CNPY1: variants seen among roughly 807,000 people sequenced by gnomAD.
The protein encoded by CNPY1 is canopy FGF signaling regulator 1.
CNPY1 carries 14 observed loss-of-function variants against 14.4 expected under a neutral mutation model. That is an observed-to-expected ratio of 0.97 (90% CI 0.64 to 1.52). CNPY1 has a LOEUF of 1.52. Ranked by LOEUF, CNPY1 falls within the 40% of genes most tolerant of loss-of-function variation. The pLI is 0.00. For missense variants in CNPY1, 129 were observed against 131.5 expected, an observed-to-expected ratio of 0.98 and a Z score of 0.09; for synonymous variants, 43 against 46.5, an observed-to-expected ratio of 0.92 and a Z score of 0.31.
intron 2 of CNPY1, among the ~76,000 whole-genome samples, chr7:155,530,930 C>T (rs1203120465): frequency 6.6e-6 from 1 of 152,246 alleles, no homozygotes; most frequent in African/African-American, 2.4e-5. Context: ...AAACCATCCC[C>T]AGTTGAGAAC....
In CNPY1 at chr7:155,507,471, TAAAAA is replaced by T. The variant is rs35711313; in HGVS notation, c.304-360_304-356del. ...CTGAAAAGTCCAACGGTTTTTAAAC[TAAAAA>T]AAAAAAAAAAAAAAAAAAAAAAAGA... On this transcript the variant is annotated intron_variant, in intron 3 of 4. Coordinates refer to ENST00000636446, the MANE Select transcript of CNPY1 (RefSeq NM_001393663.1). Among the ~76,000 whole-genome samples the T allele has an allele frequency of 9.1e-4, 49 of 54,142 alleles. 2 individuals are homozygous for T. The highest frequency in any genetic ancestry group is 4.5e-3 in the African/African-American group (45 of 10,108). 35.5% of individuals were successfully genotyped at this position (54,142 alleles called of 152,430 possible).
At chr7:155,508,147 A>G (rs1796392412) in intron 3 of CNPY1, among the ~76,000 whole-genome samples, 3 of 152,250 alleles carry the variant, frequency 2.0e-5, no homozygotes, top group African/African-American at 4.8e-5. Context: ...TTTTTAAAAC[A>G]GGACTGCCCA....
At chr7:155,507,161 C>T (rs1486685278) in intron 3 of CNPY1, 45 bp from the exon 4 acceptor site, 14 of 1,232,872 alleles carry the variant, frequency 1.1e-5, no homozygotes, top group Admixed American at 6.8e-5. Flanking sequence ...CGCACACTGG[C>T]GGGGCACTTT....
chr7:155,516,574 G>T (rs894113927), intron 2 of CNPY1, among the ~76,000 whole-genome samples: 19 of 152,200 alleles, frequency 1.2e-4, no homozygotes, highest in Admixed American at 5.2e-4. Flanking sequence ...CACAGGCTAA[G>T]CTGGATGGAA....
At position 155,537,755 on chromosome 7, in the gene CNPY1, A is replaced by G. The variant is rs180741758; in HGVS notation, c.99+8076T>C. The stretch of plus-strand genomic sequence containing the variant: ...TGAATATTTTATACGAAACAAAATC[A>G]CGTGTCTGTGTATAGTGTTCCATCT... On this transcript the variant is annotated intron_variant, in intron 2 of 4. Coordinates refer to ENST00000636446, the MANE Select transcript of CNPY1 (RefSeq NM_001393663.1). 2.0e-3 allele frequency among the ~76,000 whole-genome samples: 312 copies of G among 152,240 alleles called. 1 individual carries two copies. The highest frequency in any genetic ancestry group is 0.01 in the Middle Eastern group (3 of 294).
chr7:155,529,433 ACAGCTCTGGAGAC>A (rs1796896397), intron 2 of CNPY1, among the ~76,000 whole-genome samples: 1 of 152,112 alleles, frequency 6.6e-6, no homozygotes, highest in Non-Finnish European at 1.5e-5. Flanking sequence ...TCACTCTCTC[ACAGCTCTGGAGAC>A]CAGGAGGCCA....
At chr7:155,539,666 T>G (rs1378948742) in intron 2 of CNPY1, among the ~76,000 whole-genome samples, 1 of 152,100 alleles carries the variant, frequency 6.6e-6, no homozygotes, top group Non-Finnish European at 1.5e-5. Flanking sequence ...CTTGCTGAAA[T>G]GACTGAAAAA....
intron 2 of CNPY1, among the ~76,000 whole-genome samples, chr7:155,529,807 G>C (rs1796904705): frequency 6.7e-6 from 1 of 149,472 alleles, no homozygotes; most frequent in African/African-American, 2.5e-5. Flanking sequence ...TTTTGAGACA[G>C]AGTCTCACTC....
intron 2 of CNPY1, among the ~76,000 whole-genome samples, chr7:155,532,754 A>G (rs1796962945): frequency 6.6e-6 from 1 of 152,116 alleles, no homozygotes; most frequent in Admixed American, 6.5e-5. Context: ...TTAAAATCCC[A>G]TAATACCTCT....
At chr7:155,541,799 C>A (rs1208808179) in intron 2 of CNPY1, among the ~76,000 whole-genome samples, 2 of 152,186 alleles carry the variant, frequency 1.3e-5, no homozygotes, top group African/African-American at 4.8e-5. Context: ...AGTCTTCCAG[C>A]CTCGCACCAG....
rs1554446752 is a variant in CNPY1 at position 155,502,003 on chromosome 7, T to TGTGGGGGGGGTGGG, written c.*1064_*1065insCCCACCCCCCCCAC. 8.0e-6 allele frequency: 1 copy of TGTGGGGGGGGTGGG among 125,326 alleles called. No individual in the cohort carries two copies. The highest frequency in any genetic ancestry group is 1.7e-5 in the Non-Finnish European group (1 of 60,134). The allele number at this position is 125,326 out of a possible 1,614,324, so 7.8% of individuals were successfully genotyped here. ...GCAAAGAGTTTTGGGTCGGGGGGGT[T>TGTGGGGGGGGTGGG]GGGGGGGGGATTTGTAGCATCCTAC... On this transcript the variant is annotated 3_prime_UTR_variant, in exon 5 of 5. Transcript: ENST00000636446.
intron 4 of CNPY1, among the ~76,000 whole-genome samples, chr7:155,504,374 G>T (rs749560561): frequency 6.6e-6 from 1 of 151,812 alleles, no homozygotes; most frequent in African/African-American, 2.4e-5. Flanking sequence ...TTATTTTTGT[G>T]TATTGGTGAA....
rs114415256 is a variant in CNPY1, at chr7:155,508,500, T to C, written c.303+394A>G. On this transcript the variant is annotated intron_variant, in intron 3 of 4. Coordinates refer to ENST00000636446, the MANE Select transcript of CNPY1 (RefSeq NM_001393663.1). Reference sequence around the variant, plus strand: ...AGAAACCACAGCCCCTGATTCCTTATGTGGAAACCTGTGAGAGACCTTCCT... The same window carrying C: ...AGAAACCACAGCCCCTGATTCCTTACGTGGAAACCTGTGAGAGACCTTCCT... 9.4e-3 allele frequency among the ~76,000 whole-genome samples: 1,437 copies of C among 152,360 alleles called. 20 individuals carry two copies. The highest frequency in any genetic ancestry group is 0.033 in the African/African-American group (1,385 of 41,586).
chr7:155,528,874 C>T (rs572520288), intron 2 of CNPY1, among the ~76,000 whole-genome samples: 1 of 152,118 alleles, frequency 6.6e-6, no homozygotes, highest in East Asian at 1.9e-4. Flanking sequence ...TCCTGGCTAA[C>T]ATGATGAAAC....
At chr7:155,510,468 C>T (rs189994380) in intron 2 of CNPY1, 1 of 152,226 alleles carries the variant, frequency 6.6e-6, no homozygotes, top group Admixed American at 6.5e-5. Flanking sequence ...GCTGCGCCTC[C>T]CCTGTGCACA....
At chr7:155,514,170 G>C (rs972325359) in intron 2 of CNPY1, among the ~76,000 whole-genome samples, 1 of 152,212 alleles carries the variant, frequency 6.6e-6, no homozygotes, top group African/African-American at 2.4e-5. Context: ...ATGCGAATGT[G>C]TTCATTCATT....
At chr7:155,519,021 A>T (rs1035992501) in intron 2 of CNPY1, among the ~76,000 whole-genome samples, 1 of 152,178 alleles carries the variant, frequency 6.6e-6, no homozygotes, top group African/African-American at 2.4e-5. Context: ...TGGCTGCAAA[A>T]TTTTTTGTCT....
chr7:155,537,537 C>A (rs1797038099), intron 2 of CNPY1, among the ~76,000 whole-genome samples: 1 of 151,740 alleles, frequency 6.6e-6, no homozygotes, highest in Non-Finnish European at 1.5e-5. Flanking sequence ...GATTCTCCTG[C>A]CTCAGCCTCC....
intron 2 of CNPY1, among the ~76,000 whole-genome samples, chr7:155,510,818 T>C (rs1187929475): frequency 6.6e-6 from 1 of 152,250 alleles, no homozygotes; most frequent in Non-Finnish European, 1.5e-5. Context: ...ACTGAAAATC[T>C]GTTTTATTAA....
Sources: gnomAD v4.1 joint callset for allele counts (sites outside exome capture counted in the v4.1 genomes callset) on GRCh38, gnomAD v4.1.1 for gene constraint, MANE v1.5 for transcripts, NCBI Gene and HGNC (gene_info 2026-07-23, HGNC 2026-07-21) for gene names.